Variants in RALYL observed in about 807,000 individuals in gnomAD.
The protein encoded by RALYL is RALY RNA binding protein like.
Under a neutral mutation model 35.1 loss-of-function variants are expected in RALYL, and 29 were observed. The ratio of observed to expected loss-of-function variants is 0.83; its 90% CI spans 0.61 to 1.13. The LOEUF (loss-of-function observed/expected upper bound fraction) is 1.13, where lower values mean the gene tolerates loss of function less well. Ranked by LOEUF, RALYL falls within the 50% of genes most tolerant of loss-of-function variation. The pLI is 0.00. For synonymous variants in RALYL, 120 were observed against 127.6 expected, an observed-to-expected ratio of 0.94 and a Z score of 0.40; for missense variants, 359 against 360.4, an observed-to-expected ratio of 1.00 and a Z score of 0.03.
chr8:84,255,599 G>C (rs2131734126), intron 1 of RALYL, among the ~76,000 whole-genome samples: 1 of 152,170 alleles, frequency 6.6e-6, no homozygotes, highest in South Asian at 2.1e-4. Flanking sequence ...AGATTTAAGA[G>C]TCTGACATTT....
At chr8:84,891,327 A>G (rs1047016090) in intron 8 of RALYL, among the ~76,000 whole-genome samples, 4 of 152,210 alleles carry the variant, frequency 2.6e-5, no homozygotes, top group East Asian at 3.9e-4. Context: ...ACCTAACCAA[A>G]TAACTTCTCT....
chr8:84,876,762 CAT>C (rs1298603998), intron 7 of RALYL, among the ~76,000 whole-genome samples: 2 of 152,098 alleles, frequency 1.3e-5, no homozygotes, highest in African/African-American at 4.8e-5. Flanking sequence ...CCAGTGATAA[CAT>C]TGGGATGTTA....
At chr8:84,304,628 CTAA>C (rs1841460630) in intron 1 of RALYL, among the ~76,000 whole-genome samples, 1 of 152,090 alleles carries the variant, frequency 6.6e-6, no homozygotes, top group Non-Finnish European at 1.5e-5. Flanking sequence ...GAAGTGACTT[CTAA>C]TGTTATACTT....
chr8:84,295,932 A>G (rs1839668364), intron 1 of RALYL, among the ~76,000 whole-genome samples: 1 of 152,148 alleles, frequency 6.6e-6, no homozygotes, highest in Non-Finnish European at 1.5e-5. Context: ...GGACACTACC[A>G]GGACACTTTG....
rs1022768976 is a variant in RALYL, at chr8:84,364,199, A to C, written c.-23-165100A>C. Among the ~76,000 whole-genome samples, 27 of 152,194 alleles carry C rather than the reference A, an allele frequency of 1.8e-4. 1 individual carries two copies. Among genetic ancestry groups the C allele is most frequent in the Non-Finnish European group, 3.4e-4 (23 of 68,024 alleles). ...ATTCAAATGAGAGAAGAGAGGCATCAACCATCGCTTCTGACAAAATGAGGG... is the reference window on the plus strand; with the variant it reads ...ATTCAAATGAGAGAAGAGAGGCATCCACCATCGCTTCTGACAAAATGAGGG... On this transcript the variant is annotated intron_variant, in intron 1 of 8. Coordinates refer to ENST00000521268, the MANE Select transcript of RALYL (RefSeq NM_173848.7).
chr8:84,861,773 G>A (rs138436927), intron 5 of RALYL, among the ~76,000 whole-genome samples: 2 of 152,170 alleles, frequency 1.3e-5, no homozygotes, highest in African/African-American at 4.8e-5. Context: ...TGATTTGTCT[G>A]TCATAGCTGT....
At chr8:84,293,046 C>T (rs914653833) in intron 1 of RALYL, among the ~76,000 whole-genome samples, 3 of 152,056 alleles carry the variant, frequency 2.0e-5, no homozygotes, top group Non-Finnish European at 1.5e-5. Context: ...AACATTACTT[C>T]AGTATTACAT....
chr8:84,467,880 C>G (rs1200203096), intron 1 of RALYL, among the ~76,000 whole-genome samples: 1 of 135,400 alleles, frequency 7.4e-6, no homozygotes, highest in Non-Finnish European at 1.6e-5. Flanking sequence ...TTGAATTGAT[C>G]CCTTTACCAT....
At chr8:84,362,609 T>A (rs1377150900) in intron 1 of RALYL, among the ~76,000 whole-genome samples, 2 of 152,178 alleles carry the variant, frequency 1.3e-5, no homozygotes, top group African/African-American at 4.8e-5. Context: ...TGCACACTCC[T>A]TATGAGAATC....
chr8:84,577,566 C>T (rs1262953116), intron 2 of RALYL, among the ~76,000 whole-genome samples: 1 of 152,134 alleles, frequency 6.6e-6, no homozygotes, highest in African/African-American at 2.4e-5. Flanking sequence ...AAAATAATAA[C>T]TTTTAATCCC....
chr8:84,501,564 A>G (rs904331378), intron 1 of RALYL, among the ~76,000 whole-genome samples: 14 of 151,990 alleles, frequency 9.2e-5, no homozygotes, highest in African/African-American at 3.1e-4. Flanking sequence ...TTTCAGAGCA[A>G]TTATTTGTAG....
intron 2 of RALYL, among the ~76,000 whole-genome samples, chr8:84,567,311 A>G (rs755615849): frequency 4.2e-4 from 63 of 151,778 alleles, no homozygotes; most frequent in Non-Finnish European, 8.6e-4. Context: ...CAGTGTACCC[A>G]AAACACAAAT....
At chr8:84,337,335 T>A (rs1328020056) in intron 1 of RALYL, among the ~76,000 whole-genome samples, 1 of 151,994 alleles carries the variant, frequency 6.6e-6, no homozygotes, top group Admixed American at 6.6e-5. Flanking sequence ...AATTGTTTTT[T>A]TTTTTTCTTT....
intron 5 of RALYL, 42 bp from the exon 6 acceptor site, chr8:84,862,254 G>C: frequency 4.3e-6 from 6 of 1,404,170 alleles, no homozygotes; most frequent in Non-Finnish European, 5.6e-6. Context: ...TAGAACTCTC[G>C]GGCATCAAAC....
At chr8:84,311,913 T>C (rs1381312093) in intron 1 of RALYL, among the ~76,000 whole-genome samples, 1 of 152,174 alleles carries the variant, frequency 6.6e-6, no homozygotes, top group Non-Finnish European at 1.5e-5. Flanking sequence ...AATCAGAGAT[T>C]ATACAATAAA....
At chr8:84,506,342 G>A (rs987015039) in intron 1 of RALYL, among the ~76,000 whole-genome samples, 7 of 151,760 alleles carry the variant, frequency 4.6e-5, no homozygotes, top group Non-Finnish European at 1.0e-4. Flanking sequence ...TTTGAACCAA[G>A]GCCACCTGAT....
At chr8:84,371,539 TCA>T (rs5892914) in intron 1 of RALYL, among the ~76,000 whole-genome samples, 41,399 of 143,748 alleles carry the variant, frequency 0.29, 5,766 homozygotes, top group Non-Finnish European at 0.31. Context: ...TTTATGATTA[TCA>T]CACACACACA....
intron 3 of RALYL, among the ~76,000 whole-genome samples, chr8:84,795,167 A>G (rs866628590): frequency 2.6e-5 from 4 of 152,368 alleles, no homozygotes; most frequent in Non-Finnish European, 4.4e-5. Context: ...AATTGATTCT[A>G]TATAGGAAAA....
At chr8:84,274,805 A>G (rs1253581103) in intron 1 of RALYL, among the ~76,000 whole-genome samples, 1 of 152,206 alleles carries the variant, frequency 6.6e-6, no homozygotes, top group Non-Finnish European at 1.5e-5. Context: ...AACTCTGCCA[A>G]AACTCTGTCA....
Sources: allele counts gnomAD v4.1 joint callset (sites outside exome capture counted in the v4.1 genomes callset), GRCh38; gene constraint gnomAD v4.1.1; transcripts MANE v1.5; gene names NCBI Gene and HGNC (gene_info 2026-07-23, HGNC 2026-07-21).